Variants in ENTPD3 observed in about 807,000 individuals in gnomAD.
ENTPD3 encodes ectonucleoside triphosphate diphosphohydrolase 3, also known as CD39 antigen-like 3.
A neutral mutation model predicts 51.2 loss-of-function variants in ENTPD3; 60 were observed. The observed-to-expected ratio is 1.17, with a 90% CI of 0.95 to 1.45. The LOEUF is 1.45. Ranked by LOEUF, ENTPD3 falls within the 40% of genes most tolerant of loss-of-function variation. The pLI is 0.00. For missense variants in ENTPD3, 593 were observed against 641.1 expected, an observed-to-expected ratio of 0.93 and a Z score of 0.81; for synonymous variants, 221 against 238.4, an observed-to-expected ratio of 0.93 and a Z score of 0.67.
At chr3:40,405,397 C>T (rs979328871) in intron 4 of ENTPD3, among the ~76,000 whole-genome samples, 2 of 151,654 alleles carry the variant, frequency 1.3e-5, no homozygotes, top group African/African-American at 2.4e-5. Context: ...CCCAGCTTCT[C>T]GGGAGGCTGA....
rs1464695944 is a variant in ENTPD3, at chr3:40,422,817, T to C, written c.832-33T>C. 6 of 1,577,052 alleles carry C rather than the reference T, an allele frequency of 3.8e-6. No homozygotes were observed. The South Asian group carries it at 5.7e-5, about 15-fold the overall frequency. On this transcript the variant is annotated intron_variant, in intron 7 of 10. Coordinates refer to ENST00000301825, the MANE Select transcript of ENTPD3 (RefSeq NM_001248.4). The stretch of plus-strand genomic sequence containing the variant: ...ATTGTGAATAGTGCCGCAATAAACA[T>C]ACGTGTCTAACACCTTACTCTTATA...
At chr3:40,388,311 G>A (rs1954983226) in intron 2 of ENTPD3, among the ~76,000 whole-genome samples, 1 of 152,122 alleles carries the variant, frequency 6.6e-6, no homozygotes, top group African/African-American at 2.4e-5. Context: ...TAACATGCAT[G>A]TTTCACTTAA....
chr3:40,415,993 G>C lies in ENTPD3; in HGVS notation c.751G>C (p.Val251Leu), dbSNP rs775323959. The C allele has an allele frequency of 9.1e-5, 147 of 1,613,534 alleles. No homozygotes were observed. The Admixed American group carries it at 2.4e-3, about 27-fold the overall frequency. ...CATGCAGGTGTCCCTGTATGGCTACGTATACACGCTCTACACACACAGCTT... is the reference window on the plus strand; with the variant it reads ...CATGCAGGTGTCCCTGTATGGCTACCTATACACGCTCTACACACACAGCTT... The part of the protein sequence containing the change: ...DIMQVSLYGY[V>L]YTLYTHSFQC... The change falls in exon 7 of 11, where the codon GTA becomes CTA. Residue 251 changes from valine (V) to leucine (L), a missense_variant. By Grantham distance (32) the Val-to-Leu change is conservative. Transcript: ENST00000301825.
intron 2 of ENTPD3, among the ~76,000 whole-genome samples, chr3:40,389,636 C>T (rs1008634383): frequency 2.0e-5 from 3 of 152,156 alleles, no homozygotes; most frequent in African/African-American, 7.2e-5. Context: ...TGTTAAGTGA[C>T]CAACTTTGAC....
At chr3:40,426,641 A>G (rs565320002) in intron 10 of ENTPD3, among the ~76,000 whole-genome samples, 1 of 152,284 alleles carries the variant, frequency 6.6e-6, no homozygotes, top group South Asian at 2.1e-4. Flanking sequence ...GAAAGATAGA[A>G]AGATAATTTT....
chr3:40,397,119 CTTTTTT>C lies in ENTPD3; in HGVS notation c.169-3760_169-3755del, dbSNP rs3064608. Among the ~76,000 whole-genome samples the C allele has an allele frequency of 6.3e-4, 64 of 101,302 alleles. 2 individuals carry two copies. Among genetic ancestry groups the C allele is most frequent in the Middle Eastern group, 7.1e-3 (1 of 140 alleles). 66.5% of individuals were successfully genotyped at this position (101,302 alleles called of 152,430 possible). ...AGAGTAAGAGTTGGATAATTAGTTT[CTTTTTT>C]TTTTTTTTTTTTTTCAGAAAGCCTC... On this transcript the variant is annotated intron_variant, in intron 3 of 10. Coordinates refer to ENST00000301825, the MANE Select transcript of ENTPD3 (RefSeq NM_001248.4).
intron 2 of ENTPD3, among the ~76,000 whole-genome samples, chr3:40,389,391 A>C (rs1955007205): frequency 6.6e-6 from 1 of 152,220 alleles, no homozygotes; most frequent in South Asian, 2.1e-4. Flanking sequence ...TCTGCAGGTC[A>C]ACTCCATGGC....
intron 7 of ENTPD3, 63 bp downstream of exon 7, chr3:40,416,136 T>G: frequency 3.3e-6 from 4 of 1,198,690 alleles, no homozygotes; most frequent in Non-Finnish European, 4.9e-6. Flanking sequence ...GAGGGGAGAA[T>G]GCCCTGCCTT....
chr3:40,403,895 T>C (rs9882954), intron 4 of ENTPD3, among the ~76,000 whole-genome samples: 39,234 of 152,062 alleles, frequency 0.26, 5,979 homozygotes, highest in East Asian at 0.51. Context: ...GCCATCCTCC[T>C]GCCTCAGCCT....
rs778815465 is a variant in ENTPD3 at position 40,427,272 on chromosome 3, GT to G, written c.1355del (p.Val452GlyfsTer6). 3.5e-5 allele frequency: 56 copies of G among 1,613,422 alleles called. No homozygotes were observed. In the East Asian group the frequency reaches 7.8e-4, roughly 22 times the overall value. On this transcript the variant is annotated frameshift_variant and splice_region_variant, in exon 11 of 11. Transcript: ENST00000301825. LOFTEE classifies it low-confidence loss of function (END_TRUNC). ...TWPQIHFEKE[V>X]GNSSIAWSLG... ...CTGAGCCATCTCCTCTACTCCACAG[GT>G]GGGGAATAGCAGCATAGCCTGGTCT...
intron 10 of ENTPD3, chr3:40,424,240 C>G: frequency 1.2e-6 from 1 of 829,844 alleles, no homozygotes; most frequent in Non-Finnish European, 1.5e-6. Flanking sequence ...CTTCATATTC[C>G]CAGCACTCTG....
chr3:40,393,767 C>T (rs1014577213), intron 3 of ENTPD3, among the ~76,000 whole-genome samples: 2 of 152,136 alleles, frequency 1.3e-5, no homozygotes, highest in Non-Finnish European at 2.9e-5. Flanking sequence ...CCAGGCACTG[C>T]CTTCTACAAA....
intron 4 of ENTPD3, among the ~76,000 whole-genome samples, chr3:40,403,788 G>A (rs929741693): frequency 1.3e-5 from 2 of 151,932 alleles, no homozygotes; most frequent in Non-Finnish European, 1.5e-5. Context: ...GAGTAGCTGG[G>A]ACTACAGACA....
chr3:40,407,308 T>C (rs1955526865), intron 4 of ENTPD3, among the ~76,000 whole-genome samples: 1 of 151,662 alleles, frequency 6.6e-6, no homozygotes, highest in African/African-American at 2.4e-5. Flanking sequence ...AAAACAGCCA[T>C]AGACAACAGG....
chr3:40,409,258 A>C (rs923560377), intron 4 of ENTPD3, among the ~76,000 whole-genome samples: 6 of 152,164 alleles, frequency 3.9e-5, no homozygotes, highest in Admixed American at 2.6e-4. Context: ...CGTCTAAAAA[A>C]AAAATTATAT....
chr3:40,388,672 C>T lies in ENTPD3; in HGVS notation c.40+575C>T, dbSNP rs539156329. On this transcript the variant is annotated intron_variant, in intron 2 of 10. Coordinates refer to ENST00000301825, the MANE Select transcript of ENTPD3 (RefSeq NM_001248.4). ...CTCTAGAGCACTTTTTGGAGTTGCTCATGTGGAAGCCCAGAAGGCTCTGGC... is the reference window on the plus strand; with the variant it reads ...CTCTAGAGCACTTTTTGGAGTTGCTTATGTGGAAGCCCAGAAGGCTCTGGC... Among the ~76,000 whole-genome samples, 26 of 151,904 alleles carry T rather than the reference C, an allele frequency of 1.7e-4. No homozygotes were observed. In the East Asian group the frequency reaches 4.1e-3, roughly 24 times the overall value.
chr3:40,421,468 C>T (rs988327614), intron 7 of ENTPD3, among the ~76,000 whole-genome samples: 2 of 152,006 alleles, frequency 1.3e-5, no homozygotes, highest in Non-Finnish European at 2.9e-5. Context: ...GTATTTTGCA[C>T]CAGTAGATTA....
At chr3:40,410,376 G>A (rs1955600511) in intron 4 of ENTPD3, among the ~76,000 whole-genome samples, 1 of 150,496 alleles carries the variant, frequency 6.6e-6, no homozygotes, top group South Asian at 2.1e-4. Flanking sequence ...GGCAGACAGA[G>A]GTTGTAGTGA....
rs559701033 is a variant in ENTPD3 at position 40,394,048 on chromosome 3, C to CAAAA, written c.168+1921_168+1924dup. Among the ~76,000 whole-genome samples the CAAAA allele has an allele frequency of 4.8e-4, 31 of 64,408 alleles. 2 individuals are homozygous for CAAAA. The highest frequency in any genetic ancestry group is 2.2e-3 in the African/African-American group (31 of 13,804). The allele number at this position is 64,408 out of a possible 152,430, so 42.3% of individuals were successfully genotyped here. On this transcript the variant is annotated intron_variant, in intron 3 of 10. Coordinates refer to ENST00000301825, the MANE Select transcript of ENTPD3 (RefSeq NM_001248.4). Reference sequence around the variant, plus strand: ...TGGGCAACAGAGCGAGACTCTGTCTCAAAAAAAAAAAAAAAAAAAAAAAAA... The same window carrying CAAAA: ...TGGGCAACAGAGCGAGACTCTGTCTCAAAAAAAAAAAAAAAAAAAAAAAAAAAAA...
Sources: allele counts gnomAD v4.1 joint callset (sites outside exome capture counted in the v4.1 genomes callset), GRCh38; gene constraint gnomAD v4.1.1; transcripts MANE v1.5; gene names NCBI Gene and HGNC (gene_info 2026-07-23, HGNC 2026-07-21).